Variants in DNASE1L1 observed in about 807,000 individuals in gnomAD.
The protein encoded by DNASE1L1 is deoxyribonuclease 1 like 1.
A neutral mutation model predicts 18.6 loss-of-function variants in DNASE1L1; 8 were observed. The observed-to-expected ratio is 0.43, with a 90% CI of 0.25 to 0.78. The LOEUF (loss-of-function observed/expected upper bound fraction) is 0.78, where lower values mean the gene tolerates loss of function less well. DNASE1L1 is among the 30% of genes least tolerant of loss of function. DNASE1L1 has a pLI of 0.23. For synonymous variants in DNASE1L1, 114 were observed against 114.2 expected, an observed-to-expected ratio of 1.00 and a Z score of 0.01; for missense variants, 214 against 258.2, an observed-to-expected ratio of 0.83 and a Z score of 1.17.
Position 154,405,013 on chromosome X carries a change from A to G in DNASE1L1, c.206T>C (p.Leu69Pro). ...TCCTCACCGATTGAGTTCTCGAAGC[A>G]GGAGCGGGATGGCGCTGCCGGAAGA... is the stretch of plus-strand genomic sequence containing the variant. ...VDSSGSAIPL[L>P]LRELNRFDGS... The change falls in exon 3 of 8, where the codon CTG becomes CCG. Residue 69 changes from leucine to proline, a missense_variant. Physicochemically the swap from Leu to Pro is moderately conservative, Grantham distance 98. Coordinates refer to ENST00000369807, the MANE Select transcript of DNASE1L1 (RefSeq NM_001303620.2). 1.7e-6 allele frequency: 2 copies of G among 1,210,829 alleles called. No homozygotes were observed. The highest frequency in any genetic ancestry group is 2.2e-6 in the Non-Finnish European group (2 of 894,783).
upstream of DNASE1L1, among the ~76,000 whole-genome samples, chrX:154,410,863 G>A (rs2068265265): frequency 9.0e-6 from 1 of 110,861 alleles, no homozygotes; most frequent in African/African-American, 3.3e-5. Context: ...TGGCGACAGA[G>A]CGAGACTCCT....
In DNASE1L1 at chrX:154,405,422, T is replaced by G. The variant is rs1195957909; in HGVS notation, c.135+12A>C. 1.7e-6 allele frequency: 2 copies of G among 1,177,050 alleles called. No individual in the cohort carries two copies. Among genetic ancestry groups the G allele is most frequent in the Non-Finnish European group, 2.3e-6 (2 of 873,446 alleles). On this transcript the variant is annotated intron_variant, in intron 2 of 7. Coordinates refer to ENST00000369807, the MANE Select transcript of DNASE1L1 (RefSeq NM_001303620.2). ...GGTTAGGGGCACGGCTTCCCTGAAGTGATGAACTTACCCGAACTAAGGTGT... is the reference window on the plus strand; with the variant it reads ...GGTTAGGGGCACGGCTTCCCTGAAGGGATGAACTTACCCGAACTAAGGTGT...
Position 154,401,624 on chromosome X carries a change from G to C in DNASE1L1, c.*1083C>G, listed in dbSNP as rs2068037310. Reference sequence around the variant, plus strand: ...AAATGAGAGGAGTGCTAGGTGGGTGGCCTGAGCATCTGTATCCAGGGACAG... The same window carrying C: ...AAATGAGAGGAGTGCTAGGTGGGTGCCCTGAGCATCTGTATCCAGGGACAG... On this transcript the variant is annotated 3_prime_UTR_variant, in exon 8 of 8. Transcript: ENST00000369807. 1 of 111,697 alleles carries C rather than the reference G, an allele frequency of 9.0e-6. No homozygotes were observed. Among genetic ancestry groups the C allele is most frequent in the Non-Finnish European group, 1.9e-5 (1 of 53,194 alleles). The allele number at this position is 111,697 out of a possible 1,213,427, so 9.2% of individuals were successfully genotyped here.
intron 1 of DNASE1L1, among the ~76,000 whole-genome samples, chrX:154,406,191 T>C (rs1434715710): frequency 9.1e-6 from 1 of 109,321 alleles, no homozygotes; most frequent in Admixed American, 9.8e-5. Flanking sequence ...AGAATGGTCT[T>C]GATCTCCTGA....
upstream of DNASE1L1, chrX:154,411,495 C>A (rs1557190295): frequency 8.5e-6 from 2 of 235,465 alleles, no homozygotes; most frequent in South Asian, 4.4e-5. Context: ...GCGGCCCGTG[C>A]GCGCTTTGCG....
intron 7 of DNASE1L1, 38 bp downstream of exon 7, chrX:154,402,904 T>C (rs1569552385): frequency 8.3e-7 from 1 of 1,205,961 alleles, no homozygotes; most frequent in Non-Finnish European, 1.1e-6. Flanking sequence ...GTGACCCTGC[T>C]GCTGCCCTCC....
chrX:154,402,534 C>G lies in DNASE1L1; in HGVS notation c.*173G>C, dbSNP rs1460675019. Reference sequence around the variant, plus strand: ...AGGGCCCCTGGCTTCCTCTCCTAATCTAGGCACAAGCCCAACCAAAGAACA... The same window carrying G: ...AGGGCCCCTGGCTTCCTCTCCTAATGTAGGCACAAGCCCAACCAAAGAACA... On this transcript the variant is annotated 3_prime_UTR_variant, in exon 8 of 8. Transcript: ENST00000369807. The G allele has an allele frequency of 2.0e-6, 1 of 497,166 alleles. No individual in the cohort carries two copies. The highest frequency in any genetic ancestry group is 3.2e-6 in the Non-Finnish European group (1 of 309,847). 41.0% of individuals were successfully genotyped at this position (497,166 alleles called of 1,213,427 possible). A position where few individuals can be genotyped will look rare whatever the true frequency, so the allele number is the denominator to read the frequency against.
chrX:154,407,218 A>ATTTTTTT (rs782115573), intron 1 of DNASE1L1, among the ~76,000 whole-genome samples: 5 of 25,750 alleles, frequency 1.9e-4, no homozygotes, highest in Non-Finnish European at 3.1e-4. Context: ...AAGTGCTGGG[A>ATTTTTTT]TTTTTTTTTT....
In DNASE1L1 at chrX:154,402,778, C is replaced by T. The variant is rs148008384; in HGVS notation, c.838G>A (p.Val280Ile). 875 of 1,210,005 alleles carry T rather than the reference C, an allele frequency of 7.2e-4. 5 individuals are homozygous for T. The African/African-American group carries it at 0.013, about 19-fold the overall frequency. Residue 280 changes from valine to isoleucine, a missense_variant, in exon 8 of 8, where the codon GTC (valine) becomes ATC (isoleucine). Coordinates refer to ENST00000369807, the MANE Select transcript of DNASE1L1 (RefSeq NM_001303620.2). ...AGAACAGTGAGGCTGAGAGGCTGGA[C>T]GCTGTGCGCCTGGCTCAGCTTCAGC... Reference protein sequence around the residue: ...VELKLSQAHSVQPLSLTVLLL... With the variant: ...VELKLSQAHSIQPLSLTVLLL...
In DNASE1L1 at chrX:154,405,019, G is replaced by C. The variant is rs200058172; in HGVS notation, c.200C>G (p.Pro67Arg). 1 of 1,209,269 alleles carries C rather than the reference G, an allele frequency of 8.3e-7. No individual in the cohort carries two copies. Among genetic ancestry groups the C allele is most frequent in the African/African-American group, 1.7e-5 (1 of 57,354 alleles). Residue 67 changes from proline (P) to arginine (R), a missense_variant, in exon 3 of 8, where the codon CCG (proline) becomes CGG (arginine). Physicochemically the swap from Pro to Arg is moderately radical, Grantham distance 103. Transcript: ENST00000369807. ...EVVDSSGSAI[P>R]LLLRELNRFD... The stretch of plus-strand genomic sequence containing the variant: ...CCGATTGAGTTCTCGAAGCAGGAGC[G>C]GGATGGCGCTGCCGGAAGAGTCCAC...
chrX:154,405,674 A>G lies in DNASE1L1; in HGVS notation c.-87-19T>C, dbSNP rs4898483. The stretch of plus-strand genomic sequence containing the variant: ...GGAAGCGCTGAAATATGGAACAGAG[A>G]AAGTGGCACTAGCTGCTGCCCAGCA... On this transcript the variant is annotated intron_variant, in intron 1 of 7. Transcript: ENST00000369807. 1.2e-6 allele frequency: 1 copy of G among 851,988 alleles called. No homozygotes were observed. The highest frequency in any genetic ancestry group is 1.6e-6 in the Non-Finnish European group (1 of 642,446). 70.2% of individuals were successfully genotyped at this position (851,988 alleles called of 1,213,427 possible).
upstream of DNASE1L1, chrX:154,411,983 C>A (rs1557190943): frequency 8.3e-7 from 1 of 1,201,088 alleles, no homozygotes; most frequent in Non-Finnish European, 1.1e-6. Flanking sequence ...GCAGGCCCGC[C>A]CGGGTACCCA....
At chrX:154,409,871 C>T (rs782261631), upstream of DNASE1L1, 1 of 112,260 alleles carries the variant, frequency 8.9e-6, no homozygotes, top group African/African-American at 3.2e-5. Context: ...GGGGCTGAAT[C>T]CACTCAGCTT....
At position 154,405,655 on chromosome X, in the gene DNASE1L1, G is replaced by A. The variant is rs931797238; in HGVS notation, c.-87C>T. ...TGGGCTCAGTTCTGGCTCTGGAAGC[G>A]CTGAAATATGGAACAGAGAAAGTGG... is the stretch of plus-strand genomic sequence containing the variant. On this transcript the variant is annotated splice_region_variant and 5_prime_UTR_variant, in exon 2 of 8. Coordinates refer to ENST00000369807, the MANE Select transcript of DNASE1L1 (RefSeq NM_001303620.2). The A allele has an allele frequency of 3.7e-5, 35 of 935,243 alleles. No individual in the cohort carries two copies. The highest frequency in any genetic ancestry group is 4.4e-5 in the Non-Finnish European group (32 of 719,333). The allele number at this position is 935,243 out of a possible 1,213,427, so 77.1% of individuals were successfully genotyped here.
At chrX:154,405,165 T>G in intron 2 of DNASE1L1, 82 bp from the exon 3 acceptor site, 1 of 1,005,928 alleles carries the variant, frequency 9.9e-7, no homozygotes, top group Non-Finnish European at 1.4e-6. Flanking sequence ...CTGGCACTGT[T>G]GTGGCCCAGA....
upstream of DNASE1L1, chrX:154,411,615 G>A: frequency 2.2e-6 from 1 of 457,337 alleles, no homozygotes; most frequent in Non-Finnish European, 3.9e-6. Flanking sequence ...CGCGCCCACG[G>A]CCTGTGACCC....
chrX:154,406,977 G>A (rs2068166595), intron 1 of DNASE1L1, among the ~76,000 whole-genome samples: 1 of 111,491 alleles, frequency 9.0e-6, no homozygotes, highest in South Asian at 3.6e-4. Context: ...TTCTGAGGAA[G>A]TGTCATATTG....
rs2068056590 is a variant in DNASE1L1, at chrX:154,402,214, T to C, written c.*493A>G. ...TAATGAGCCAAAATGTTTCCCGGTG[T>C]TTGCTGGTTTCAGGGAAGGAGTTTG... On this transcript the variant is annotated 3_prime_UTR_variant, in exon 8 of 8. Coordinates refer to ENST00000369807, the MANE Select transcript of DNASE1L1 (RefSeq NM_001303620.2). 1 of 124,020 alleles carries C rather than the reference T, an allele frequency of 8.1e-6. No individual in the cohort carries two copies. The highest frequency in any genetic ancestry group is 8.2e-5 in the Admixed American group (1 of 12,256). The allele number at this position is 124,020 out of a possible 1,213,427, so 10.2% of individuals were successfully genotyped here.
chrX:154,403,363 A>G lies in DNASE1L1; in HGVS notation c.431T>C (p.Leu144Ser). ...CTTAGGAGTGGTGTGCAGCGGGACC[A>G]ACACCAGGCTGGGAAGGACTGCAAG... The part of the protein sequence containing the change: ...LPSNVLPSLV[L>S]VPLHTTPKAV... The change falls in exon 6 of 8, where the codon TTG becomes TCG. Residue 144 changes from leucine (L) to serine (S), a missense_variant. Transcript: ENST00000369807. The G allele has an allele frequency of 1.7e-6, 2 of 1,211,321 alleles. No homozygotes were observed. The highest frequency in any genetic ancestry group is 2.2e-6 in the Non-Finnish European group (2 of 895,258).
Sources: allele counts gnomAD v4.1 joint callset (sites outside exome capture counted in the v4.1 genomes callset), GRCh38; gene constraint gnomAD v4.1.1; transcripts MANE v1.5; gene names NCBI Gene and HGNC (gene_info 2026-07-23, HGNC 2026-07-21).